Variants in TNS3 observed in about 807,000 individuals in gnomAD.
TNS3 encodes the protein tensin-3.
TNS3 carries 45 observed loss-of-function variants against 140.9 expected under a neutral mutation model. The ratio of observed to expected loss-of-function variants is 0.32; its 90% CI spans 0.25 to 0.41. TNS3 has a LOEUF of 0.41. TNS3 is among the 10% of genes least tolerant of loss of function. The pLI is 1.00. For missense variants in TNS3, 1,716 were observed against 1,906.7 expected (o/e 0.90, Z 1.86); for synonymous variants, 815 against 788.4 (o/e 1.03, Z -0.56).
At chr7:47,428,163 A>T in intron 9 of TNS3, 149 bp downstream of exon 9, 2 of 453,892 alleles carry the variant, frequency 4.4e-6, no homozygotes, top group Non-Finnish European at 7.4e-6. Context: ...CTGGGTTTCT[A>T]GGCACTGACC....
chr7:47,346,126 T>C, intron 18 of TNS3, 61 bp downstream of exon 18: 1 of 1,589,150 alleles, frequency 6.3e-7, no homozygotes. Context: ...TCACTCGGGG[T>C]TCCAGGACAA....
chr7:47,352,453 C>T lies in TNS3; in HGVS notation c.2282-6097G>A, dbSNP rs183461920. ...CACAGCTGCATGTGCTGCTCACAAA[C>T]GGATGGTCCGTGATGGTGGAGGGTC... On this transcript the variant is annotated intron_variant, in intron 17 of 30. Coordinates refer to ENST00000311160, the MANE Select transcript of TNS3 (RefSeq NM_022748.12). Among the ~76,000 whole-genome samples the T allele has an allele frequency of 9.8e-5, 15 of 152,320 alleles. No individual in the cohort carries two copies. The East Asian group carries it at 2.3e-3, about 24-fold the overall frequency.
chr7:47,489,798 C>G (rs911039879), intron 3 of TNS3, among the ~76,000 whole-genome samples: 2 of 152,208 alleles, frequency 1.3e-5, no homozygotes, highest in African/African-American at 4.8e-5. Context: ...CAAGTCCCAG[C>G]AAAGGGCACA....
At chr7:47,434,099 ATC>A (rs1408041863) in intron 8 of TNS3, among the ~76,000 whole-genome samples, 2 of 152,124 alleles carry the variant, frequency 1.3e-5, no homozygotes, top group African/African-American at 4.8e-5. Context: ...AGCAAATAAC[ATC>A]TGTGTGCCCC....
At chr7:47,304,800 C>T (rs1786649224) in intron 21 of TNS3, 32 bp downstream of exon 21, 2 of 1,345,888 alleles carry the variant, frequency 1.5e-6, no homozygotes, top group African/African-American at 3.0e-5. Context: ...TTAAGGGGAA[C>T]TTGTGCCAAG....
chr7:47,471,992 G>T (rs182930037), intron 4 of TNS3, among the ~76,000 whole-genome samples: 2 of 152,190 alleles, frequency 1.3e-5, no homozygotes, highest in African/African-American at 4.8e-5. Context: ...AAACCAAGGC[G>T]GCAGGCTGCG....
At chr7:47,316,662 C>T (rs1787430997) in intron 20 of TNS3, among the ~76,000 whole-genome samples, 2 of 149,722 alleles carry the variant, frequency 1.3e-5, no homozygotes, top group African/African-American at 4.9e-5. Flanking sequence ...AACACCGTCT[C>T]TATTCAAAAT....
chr7:47,534,684 T>C (rs1799539398), intron 1 of TNS3, among the ~76,000 whole-genome samples: 1 of 152,222 alleles, frequency 6.6e-6, no homozygotes, highest in South Asian at 2.1e-4. Flanking sequence ...TTTAAGGTAC[T>C]GTTATTATGT....
chr7:47,334,722 C>T (rs561341484), intron 20 of TNS3, among the ~76,000 whole-genome samples: 5 of 150,508 alleles, frequency 3.3e-5, no homozygotes, highest in African/African-American at 1.2e-4. Context: ...TTAAATCCTG[C>T]CTCAGCCTCC....
intron 2 of TNS3, among the ~76,000 whole-genome samples, chr7:47,507,455 C>T (rs563627203): frequency 5.3e-5 from 8 of 152,248 alleles, no homozygotes; most frequent in Admixed American, 3.9e-4. Flanking sequence ...GTGAGAAAGT[C>T]GTGCATCTGG....
intron 1 of TNS3, among the ~76,000 whole-genome samples, chr7:47,572,939 T>A (rs911332064): frequency 6.6e-6 from 1 of 152,018 alleles, no homozygotes; most frequent in Non-Finnish European, 1.5e-5. Flanking sequence ...ATCAGAATAA[T>A]CTGGTTACAC....
At chr7:47,358,598 T>C (rs1478510193) in intron 17 of TNS3, among the ~76,000 whole-genome samples, 1 of 152,188 alleles carries the variant, frequency 6.6e-6, no homozygotes, top group Non-Finnish European at 1.5e-5. Context: ...CGGTGACTTC[T>C]GGCAGAAGCC....
At chr7:47,365,980 A>C (rs1369536993) in intron 17 of TNS3, among the ~76,000 whole-genome samples, 1 of 152,130 alleles carries the variant, frequency 6.6e-6, no homozygotes, top group Non-Finnish European at 1.5e-5. Flanking sequence ...AGACTACTAT[A>C]TGTTAACCTA....
rs1793502618 is a variant in TNS3 at position 47,407,269 on chromosome 7, C to A, written c.723+4458G>T. Among the ~76,000 whole-genome samples the A allele has an allele frequency of 6.6e-6, 1 of 152,154 alleles. No homozygotes were observed. The highest frequency in any genetic ancestry group is 1.9e-4 in the East Asian group (1 of 5,184). ...TGTGAGCTCTGCTGTGAAGCCACTC[C>A]TTCTCTGACACGCTGGAAATCATCT... On this transcript the variant is annotated intron_variant, in intron 13 of 30. Transcript: ENST00000311160. The surrounding 1 kb of genome is among the most constrained non-coding windows in gnomAD (Gnocchi z 4.1).
chr7:47,282,429 T>C (rs1309994790), intron 28 of TNS3, among the ~76,000 whole-genome samples: 7 of 150,598 alleles, frequency 4.6e-5, no homozygotes, highest in African/African-American at 1.7e-4. Context: ...GAGTCCACCA[T>C]ACAGCTGAGC....
In TNS3 at chr7:47,428,385, G is replaced by A; in HGVS notation, c.325-9C>T. On this transcript the variant is annotated splice_polypyrimidine_tract_variant and intron_variant, in intron 8 of 30. Coordinates refer to ENST00000311160, the MANE Select transcript of TNS3 (RefSeq NM_022748.12). ...ATGCGTCCTTTCCCGCCCTGCAGGAGACAAAAGATCAGCTGATTTTCTCTG... is the reference window on the plus strand; with the variant it reads ...ATGCGTCCTTTCCCGCCCTGCAGGAAACAAAAGATCAGCTGATTTTCTCTG... 10 of 1,412,606 alleles carry A rather than the reference G, an allele frequency of 7.1e-6. No individual in the cohort carries two copies. Among genetic ancestry groups the A allele is most frequent in the Non-Finnish European group, 9.3e-6 (10 of 1,075,936 alleles). The allele number at this position is 1,412,606 out of a possible 1,614,324, so 87.5% of individuals were successfully genotyped here. A position where few individuals can be genotyped will look rare whatever the true frequency, so the allele number is the denominator to read the frequency against.
chr7:47,556,900 A>G (rs575676165), intron 1 of TNS3: 94 of 394,816 alleles, frequency 2.4e-4, no homozygotes, highest in African/African-American at 1.8e-3. Context: ...TCTCAATGCA[A>G]CGGTGCTGGG....
Position 47,292,781 on chromosome 7 carries a change from C to T in TNS3, c.3850+47G>A, listed in dbSNP as rs188522037. ...GGATCTCTAAAACCGGTGGCCTTGA[C>T]TGCAGACAATCTACACAGAGCCTGA... On this transcript the variant is annotated intron_variant, in intron 26 of 30. Transcript: ENST00000311160. The T allele has an allele frequency of 5.2e-6, 8 of 1,538,378 alleles. No individual in the cohort carries two copies. In the East Asian group the frequency reaches 1.8e-4, roughly 35 times the overall value.
chr7:47,570,992 G>A (rs1332678402), intron 1 of TNS3, among the ~76,000 whole-genome samples: 1 of 152,138 alleles, frequency 6.6e-6, no homozygotes, highest in East Asian at 1.9e-4. Flanking sequence ...CTGGTAGTCA[G>A]CGTCCCACCT....
Sources: gnomAD v4.1 joint callset for allele counts (sites outside exome capture counted in the v4.1 genomes callset) on GRCh38, gnomAD v4.1.1 for gene constraint, Gnocchi (gnomAD v3.1) non-coding constraint, MANE v1.5 for transcripts, NCBI Gene and HGNC (gene_info 2026-07-23, HGNC 2026-07-21) for gene names.